Variants in CDH4 observed in about 807,000 individuals in gnomAD.
The protein encoded by CDH4 is cadherin 4.
In CDH4, 33 loss-of-function variants were observed where a neutral mutation model predicts 86.0. The ratio of observed to expected loss-of-function variants is 0.38; its 90% CI spans 0.29 to 0.51. CDH4 has a LOEUF of 0.51. Among genes scored for constraint, CDH4 ranks in the 20% least tolerant of loss-of-function variants. The pLI is 0.86. For synonymous variants in CDH4, 555 were observed against 549.4 expected, an observed-to-expected ratio of 1.01 and a Z score of -0.14; for missense variants, 1,114 against 1,307.4, an observed-to-expected ratio of 0.85 and a Z score of 2.28.
At chr20:61,483,400 G>C (rs1369145652) in intron 2 of CDH4, among the ~76,000 whole-genome samples, 1 of 152,168 alleles carries the variant, frequency 6.6e-6, no homozygotes, top group Non-Finnish European at 1.5e-5. Context: ...TGTCTCCCTT[G>C]AGTTCAGTCC....
chr20:61,731,975 T>C (rs2088195264), intron 2 of CDH4, among the ~76,000 whole-genome samples: 1 of 152,028 alleles, frequency 6.6e-6, no homozygotes, highest in South Asian at 2.1e-4. Flanking sequence ...TTCTCCTTCA[T>C]CAAGAACCTG....
chr20:61,664,482 C>T (rs2087299895), intron 2 of CDH4, among the ~76,000 whole-genome samples: 2 of 152,228 alleles, frequency 1.3e-5, no homozygotes. Context: ...TTGAAGATCT[C>T]CGAAAATGCA....
In CDH4 at chr20:61,698,815, G is replaced by A. The variant is rs73915349; in HGVS notation, c.170-44748G>A. 6.5e-3 allele frequency among the ~76,000 whole-genome samples: 983 copies of A among 152,338 alleles called. 12 individuals are homozygous for A. Among genetic ancestry groups the A allele is most frequent in the African/African-American group, 0.023 (947 of 41,572 alleles). The stretch of plus-strand genomic sequence containing the variant: ...GGTCACTGCTGGAAGGAAGGAACCC[G>A]AGCTTGGATGTGCTTAGCCTTTTGT... On this transcript the variant is annotated intron_variant, in intron 2 of 15. Coordinates refer to ENST00000614565, the MANE Select transcript of CDH4 (RefSeq NM_001794.5).
chr20:61,342,844 T>TA lies in CDH4; in HGVS notation c.169+87914dup, dbSNP rs1263157741. 3.9e-5 allele frequency among the ~76,000 whole-genome samples: 6 copies of TA among 152,258 alleles called. No individual in the cohort carries two copies. In the East Asian group the frequency reaches 7.7e-4, roughly 20 times the overall value. ...GGGGGCAGCAGATTAAATTTGTGAATAAAAAAATGCTCTGTTTTAAAGTTC... is the reference window on the plus strand; with the variant it reads ...GGGGGCAGCAGATTAAATTTGTGAATAAAAAAAATGCTCTGTTTTAAAGTTC... On this transcript the variant is annotated intron_variant, in intron 2 of 15. Transcript: ENST00000614565.
At chr20:61,507,454 C>T (rs1211687470) in intron 2 of CDH4, among the ~76,000 whole-genome samples, 6 of 152,106 alleles carry the variant, frequency 3.9e-5, no homozygotes, top group Admixed American at 6.6e-5. Context: ...AGCACGTGAC[C>T]GGGCTGCTCT....
At chr20:61,572,536 A>G (rs576538671) in intron 2 of CDH4, among the ~76,000 whole-genome samples, 2 of 152,272 alleles carry the variant, frequency 1.3e-5, no homozygotes, top group South Asian at 2.1e-4. Context: ...AGGTCCTCCC[A>G]ACTCCTGCCC....
intron 8 of CDH4, among the ~76,000 whole-genome samples, chr20:61,903,547 A>AAAAAAG (rs2054752911): frequency 2.0e-5 from 3 of 151,630 alleles, no homozygotes; most frequent in Non-Finnish European, 4.4e-5. Flanking sequence ...CCATAAAAAA[A>AAAAAAG]AAAAAAAAAA....
At chr20:61,398,324 A>G (rs1568829309) in intron 2 of CDH4, among the ~76,000 whole-genome samples, 1 of 152,214 alleles carries the variant, frequency 6.6e-6, no homozygotes, top group Non-Finnish European at 1.5e-5. Flanking sequence ...AAGGAAAACT[A>G]TTTAATGTTT....
intron 2 of CDH4, among the ~76,000 whole-genome samples, chr20:61,331,623 ACCT>A: frequency 1.1e-5 from 1 of 90,062 alleles, no homozygotes; most frequent in Middle Eastern, 4.9e-3. Flanking sequence ...CCCCAGGCCC[ACCT>A]CCTGCCCCAG....
At chr20:61,473,504 A>G (rs915334467) in intron 2 of CDH4, among the ~76,000 whole-genome samples, 3 of 152,182 alleles carry the variant, frequency 2.0e-5, no homozygotes, top group African/African-American at 7.2e-5. Context: ...GTTTTCTCCA[A>G]TGCTGGGTCT....
intron 2 of CDH4, among the ~76,000 whole-genome samples, chr20:61,368,641 C>A (rs745864061): frequency 2.6e-5 from 4 of 152,064 alleles, no homozygotes; most frequent in Non-Finnish European, 4.4e-5. Context: ...CTTAGCCTCC[C>A]AAGTAGCTGG....
intron 7 of CDH4, among the ~76,000 whole-genome samples, chr20:61,882,094 G>A (rs1313790974): frequency 6.6e-6 from 1 of 152,228 alleles, no homozygotes; most frequent in Non-Finnish European, 1.5e-5. Flanking sequence ...CCTCCACCTC[G>A]AACCTCTGGC....
At chr20:61,534,665 C>CTTTTTTTTTTTTTTTTTTTTTTTTTTTT (rs34309371) in intron 2 of CDH4, among the ~76,000 whole-genome samples, 23 of 76,066 alleles carry the variant, frequency 3.0e-4, no homozygotes, top group African/African-American at 2.0e-3. Flanking sequence ...TTCTTTCTTT[C>CTTTTTTTTTTTTTTTTTTTTTTTTTTTT]TTTTTTTTTT....
rs377622983 is a variant in CDH4, at chr20:61,512,411, G to T, written c.170-231152G>T. The stretch of plus-strand genomic sequence containing the variant: ...CAATCGACCATACCTCTTCCAGGTC[G>T]CCCATTTCCACTTCATAATAAGCTT... On this transcript the variant is annotated intron_variant, in intron 2 of 15. Transcript: ENST00000614565. Among the ~76,000 whole-genome samples the T allele has an allele frequency of 2.0e-3, 306 of 152,246 alleles. 1 individual carries two copies. Among genetic ancestry groups the T allele is most frequent in the African/African-American group, 7.0e-3 (292 of 41,538 alleles).
At chr20:61,460,837 G>A (rs1038038620) in intron 2 of CDH4, among the ~76,000 whole-genome samples, 6 of 152,196 alleles carry the variant, frequency 3.9e-5, no homozygotes, top group Non-Finnish European at 8.8e-5. Flanking sequence ...TATCTGGCTC[G>A]ATGCATGGCC....
intron 2 of CDH4, among the ~76,000 whole-genome samples, chr20:61,520,937 C>G (rs959314931): frequency 6.6e-6 from 1 of 152,090 alleles, no homozygotes; most frequent in Admixed American, 6.5e-5. Flanking sequence ...TGCAGCTCTG[C>G]GGGGGTGCAG....
intron 2 of CDH4, among the ~76,000 whole-genome samples, chr20:61,490,836 T>C (rs575418756): frequency 1.3e-5 from 2 of 152,322 alleles, no homozygotes; most frequent in Admixed American, 6.5e-5. Flanking sequence ...GCAAGGCTCT[T>C]AAAATACCTC....
chr20:61,535,556 G>A (rs1175462064), intron 2 of CDH4, among the ~76,000 whole-genome samples: 1 of 152,258 alleles, frequency 6.6e-6, no homozygotes, highest in Non-Finnish European at 1.5e-5. Flanking sequence ...ATTACATATG[G>A]GAAAGTCAGA....
chr20:61,729,140 C>T (rs1255516106), intron 2 of CDH4, among the ~76,000 whole-genome samples: 2 of 152,212 alleles, frequency 1.3e-5, no homozygotes, highest in African/African-American at 4.8e-5. Context: ...ACAAGAGGCC[C>T]TGGCATCTCA....
Sources: allele counts gnomAD v4.1 joint callset (sites outside exome capture counted in the v4.1 genomes callset), GRCh38; gene constraint gnomAD v4.1.1; transcripts MANE v1.5; gene names NCBI Gene and HGNC (gene_info 2026-07-23, HGNC 2026-07-21).